Variants in PPIP5K2 observed in about 807,000 individuals in gnomAD.
PPIP5K2 encodes the protein diphosphoinositol pentakisphosphate kinase 2.
PPIP5K2 carries 105 observed loss-of-function variants against 154.6 expected under a neutral mutation model. That is an observed-to-expected ratio of 0.68 (90% CI 0.58 to 0.80). The LOEUF (loss-of-function observed/expected upper bound fraction) is 0.80, where lower values mean the gene tolerates loss of function less well. Ranked by LOEUF, PPIP5K2 falls within the 30% of genes least tolerant of loss-of-function variation. The probability of loss-of-function intolerance (pLI) is 0.00; values close to 1 mark genes in which losing one functional copy is unlikely to be tolerated. For missense variants in PPIP5K2, 992 were observed against 1,504.6 expected (o/e 0.66, Z 5.64); for synonymous variants, 480 against 490.3 (o/e 0.98, Z 0.28).
At chr5:103,161,938 G>A (rs549509933) in intron 17 of PPIP5K2, among the ~76,000 whole-genome samples, 2 of 151,984 alleles carry the variant, frequency 1.3e-5, no homozygotes, top group African/African-American at 2.4e-5. Flanking sequence ...CTTTTGCTGT[G>A]CAGAAGCTCT....
At chr5:103,148,719 C>T (rs1448127690) in intron 7 of PPIP5K2, among the ~76,000 whole-genome samples, 2 of 152,074 alleles carry the variant, frequency 1.3e-5, no homozygotes, top group East Asian at 3.8e-4. Flanking sequence ...TCATGCTGTT[C>T]ATGCCTCTTT....
At chr5:103,198,615 A>G (rs990545882) in intron 30 of PPIP5K2, among the ~76,000 whole-genome samples, 4 of 152,138 alleles carry the variant, frequency 2.6e-5, no homozygotes, top group Admixed American at 2.0e-4. Context: ...ATTATTGGAT[A>G]TTCTTAATAA....
In PPIP5K2 at chr5:103,133,446, G is replaced by T; in HGVS notation, c.115-7G>T. On this transcript the variant is annotated splice_region_variant and splice_polypyrimidine_tract_variant and intron_variant, in intron 2 of 30. Coordinates refer to ENST00000358359, the MANE Select transcript of PPIP5K2 (RefSeq NM_001276277.3). ...TAACCCGATTTTTTGTTTCATTTTT[G>T]TTTTAGCCACCAGAAAGGCAGATTG... is the stretch of plus-strand genomic sequence containing the variant. 1 of 1,596,044 alleles carries T rather than the reference G, an allele frequency of 6.3e-7. No homozygotes were observed. The highest frequency in any genetic ancestry group is 1.8e-5 in the Admixed American group (1 of 54,868).
chr5:103,146,401 C>T, intron 5 of PPIP5K2, 126 bp from the exon 6 acceptor site: 1 of 914,402 alleles, frequency 1.1e-6, no homozygotes. Context: ...TAATTAAAAT[C>T]AAGTAAGTAC....
At chr5:103,132,580 T>C (rs1790816572) in intron 2 of PPIP5K2, among the ~76,000 whole-genome samples, 1 of 152,076 alleles carries the variant, frequency 6.6e-6, no homozygotes, top group Non-Finnish European at 1.5e-5. Flanking sequence ...TCTGATGTTA[T>C]CCAATTTTAT....
At chr5:103,127,560 T>A (rs1361218432) in intron 1 of PPIP5K2, among the ~76,000 whole-genome samples, 1 of 152,216 alleles carries the variant, frequency 6.6e-6, no homozygotes, top group South Asian at 2.1e-4. Context: ...TTCTTTTAGA[T>A]TTACATGTTA....
chr5:103,176,549 G>A lies in PPIP5K2; in HGVS notation c.2530-1118G>A, dbSNP rs183708194. Among the ~76,000 whole-genome samples the A allele has an allele frequency of 2.0e-5, 3 of 152,010 alleles. No individual in the cohort carries two copies. The East Asian group carries it at 5.8e-4, about 29-fold the overall frequency. On this transcript the variant is annotated intron_variant, in intron 21 of 30. Coordinates refer to ENST00000358359, the MANE Select transcript of PPIP5K2 (RefSeq NM_001276277.3). The stretch of plus-strand genomic sequence containing the variant: ...CACGCTGAATTTTAAAAAGCATACA[G>A]TCAATGTGTGGTCTTATAATTTGCT...
In PPIP5K2 at chr5:103,203,005, T is replaced by C. The variant is rs146222656; in HGVS notation, c.*1371T>C. On this transcript the variant is annotated 3_prime_UTR_variant, in exon 31 of 31. Coordinates refer to ENST00000358359, the MANE Select transcript of PPIP5K2 (RefSeq NM_001276277.3). The stretch of plus-strand genomic sequence containing the variant: ...TAGCTGTTTTAAAAGGTACCAGATG[T>C]AAGAGTCATAAATATATGCAATTAA... 1,029 of 152,706 alleles carry C rather than the reference T, an allele frequency of 6.7e-3. 7 individuals are homozygous for C. Among genetic ancestry groups the C allele is most frequent in the Non-Finnish European group, 0.013 (855 of 67,998 alleles). 9.5% of individuals were successfully genotyped at this position (152,706 alleles called of 1,614,324 possible).
In PPIP5K2 at chr5:103,152,627, CT is replaced by C. The variant is rs1562419754; in HGVS notation, c.1029-17del. On this transcript the variant is annotated intron_variant, in intron 9 of 30. Transcript: ENST00000358359. ...GTCTTAAAACGTACTAATTTTAAAT[CT>C]TTTCTTTTTTGTCTTGAAGAAATAT... is the stretch of plus-strand genomic sequence containing the variant. The C allele has an allele frequency of 4.7e-6, 7 of 1,482,298 alleles. No individual in the cohort carries two copies. Among genetic ancestry groups the C allele is most frequent in the Non-Finnish European group, 6.6e-6 (7 of 1,063,848 alleles). The allele number at this position is 1,482,298 out of a possible 1,614,324, so 91.8% of individuals were successfully genotyped here.
intron 10 of PPIP5K2, among the ~76,000 whole-genome samples, chr5:103,153,315 G>T (rs1210566575): frequency 6.6e-6 from 1 of 151,544 alleles, no homozygotes; most frequent in African/African-American, 2.4e-5. Flanking sequence ...ATCCTGCAGG[G>T]TTATGTTCTG....
chr5:103,140,435 C>T (rs1554206038), intron 5 of PPIP5K2, among the ~76,000 whole-genome samples: 1 of 152,210 alleles, frequency 6.6e-6, no homozygotes. Flanking sequence ...TGTAAAGAAG[C>T]TCTGATACAA....
At chr5:103,122,266 G>GA (rs1788897894) in intron 1 of PPIP5K2, among the ~76,000 whole-genome samples, 1 of 152,208 alleles carries the variant, frequency 6.6e-6, no homozygotes, top group Non-Finnish European at 1.5e-5. Flanking sequence ...ACAGATAAGT[G>GA]AAAAGATAGA....
chr5:103,153,191 A>G (rs1554211893), intron 10 of PPIP5K2, among the ~76,000 whole-genome samples: 1 of 151,838 alleles, frequency 6.6e-6, no homozygotes, highest in Non-Finnish European at 1.5e-5. Context: ...CATGTTAAAT[A>G]TCCTGAGATG....
At chr5:103,160,139 A>G (rs934202396) in intron 17 of PPIP5K2, among the ~76,000 whole-genome samples, 4 of 152,176 alleles carry the variant, frequency 2.6e-5, no homozygotes, top group Admixed American at 6.5e-5. Flanking sequence ...TTCATCTTGT[A>G]TATATACTAC....
chr5:103,142,180 C>T (rs1361294160), intron 5 of PPIP5K2, among the ~76,000 whole-genome samples: 15 of 152,348 alleles, frequency 9.8e-5, no homozygotes, highest in African/African-American at 3.6e-4. Context: ...CCCTGCCCTG[C>T]GGGAAGGCAG....
chr5:103,148,657 T>C (rs1160282604), intron 7 of PPIP5K2, among the ~76,000 whole-genome samples: 1 of 152,156 alleles, frequency 6.6e-6, no homozygotes, highest in African/African-American at 2.4e-5. Context: ...CTTATAAACC[T>C]CATTTCTTAC....
At chr5:103,152,457 A>G (rs1324480054) in intron 9 of PPIP5K2, among the ~76,000 whole-genome samples, 191 bp from the exon 10 acceptor site, 2 of 151,838 alleles carry the variant, frequency 1.3e-5, no homozygotes, top group African/African-American at 4.8e-5. Flanking sequence ...AATCCCATTG[A>G]TGTGTCTAAT....
intron 3 of PPIP5K2, 77 bp from the exon 4 acceptor site, chr5:103,136,655 G>A (rs1222220725): frequency 4.8e-6 from 5 of 1,047,772 alleles, no homozygotes; most frequent in Non-Finnish European, 7.5e-6. Flanking sequence ...TATGGGAGGT[G>A]GCATCAATTC....
intron 9 of PPIP5K2, 145 bp downstream of exon 9, chr5:103,151,519 A>G: frequency 1.6e-6 from 1 of 637,830 alleles, no homozygotes; most frequent in South Asian, 2.5e-5. Flanking sequence ...AGACTATGCC[A>G]GATCCTGAAT....
Sources: allele counts gnomAD v4.1 joint callset (sites outside exome capture counted in the v4.1 genomes callset), GRCh38; gene constraint gnomAD v4.1.1; transcripts MANE v1.5; gene names NCBI Gene and HGNC (gene_info 2026-07-23, HGNC 2026-07-21).